SLC71A2: variants seen among roughly 807,000 people sequenced by gnomAD.
SLC71A2 encodes the protein solute carrier family 71 member 2, also known as hippocampus abundant transcript-like 1.
chr9:94,446,328 C>T, the SLC71A2 span, among the ~76,000 whole-genome samples: 1 of 152,194 alleles, frequency 6.6e-6, no homozygotes, highest in African/African-American at 2.4e-5. Flanking sequence ...CAAGTTCTTA[C>T]CAGTTTGACC....
the SLC71A2 span, among the ~76,000 whole-genome samples, chr9:94,442,713 G>GGTGGT: frequency 6.6e-6 from 1 of 151,960 alleles, no homozygotes; most frequent in Admixed American, 6.6e-5. Flanking sequence ...AGCCGAGCGT[G>GGTGGT]GTGGTGTGCG....
the SLC71A2 span, among the ~76,000 whole-genome samples, chr9:94,408,856 C>T: frequency 1.3e-4 from 19 of 144,162 alleles, no homozygotes; most frequent in South Asian, 3.5e-3. Context: ...CGGAGTCTCG[C>T]TCTGTCACCC....
At chr9:94,418,489 C>G in the SLC71A2 span, among the ~76,000 whole-genome samples, 1 of 152,184 alleles carries the variant, frequency 6.6e-6, no homozygotes, top group Non-Finnish European at 1.5e-5. Context: ...GTCACTCAGG[C>G]TGGAGTGCAG....
At chr9:94,445,605 GT>G in the SLC71A2 span, among the ~76,000 whole-genome samples, 2 of 152,124 alleles carry the variant, frequency 1.3e-5, no homozygotes, top group African/African-American at 4.8e-5. Context: ...TACAGATTGA[GT>G]ATTGTTTTCT....
chr9:94,382,102 T>C, the SLC71A2 span, among the ~76,000 whole-genome samples: 2 of 151,962 alleles, frequency 1.3e-5, no homozygotes, highest in South Asian at 2.1e-4. Flanking sequence ...TCTTGGCTCA[T>C]TGCAGCCTTG....
the SLC71A2 span, among the ~76,000 whole-genome samples, chr9:94,403,131 C>CTCCTT: frequency 5.9e-5 from 9 of 152,072 alleles, no homozygotes; most frequent in Admixed American, 3.9e-4. Flanking sequence ...TTGTGACTGG[C>CTCCTT]TCCTTTCCTT....
At chr9:94,398,749 A>T in the SLC71A2 span, among the ~76,000 whole-genome samples, 2 of 128,500 alleles carry the variant, frequency 1.6e-5, no homozygotes, top group African/African-American at 3.0e-5. Context: ...CCTAGGCAAA[A>T]CTCTTGGTGG....
the SLC71A2 span, among the ~76,000 whole-genome samples, chr9:94,454,612 C>T: frequency 7.9e-5 from 12 of 152,066 alleles, no homozygotes; most frequent in East Asian, 1.9e-3. Flanking sequence ...GATCTGCCTG[C>T]CTCGGCCTCC....
At chr9:94,416,925 G>A in the SLC71A2 span, among the ~76,000 whole-genome samples, 1 of 151,142 alleles carries the variant, frequency 6.6e-6, no homozygotes, top group South Asian at 2.1e-4. Flanking sequence ...CTTAAAAATT[G>A]CCTGCATCCT....
the SLC71A2 span, among the ~76,000 whole-genome samples, chr9:94,397,272 G>A: frequency 1.3e-5 from 2 of 152,100 alleles, no homozygotes; most frequent in South Asian, 2.1e-4. Context: ...CACTGGCATG[G>A]TACATTTGTC....
the SLC71A2 span, among the ~76,000 whole-genome samples, chr9:94,393,788 T>C: frequency 8.3e-5 from 11 of 132,026 alleles, 1 homozygote; most frequent in Admixed American, 3.0e-4. Context: ...AGGATAATTA[T>C]ACTTTTTGCC....
the SLC71A2 span, chr9:94,444,849 G>A: frequency 2.3e-6 from 2 of 876,668 alleles, 1 homozygote; most frequent in South Asian, 3.1e-5. Context: ...TGGGACCCTG[G>A]TTGAGTGTGC....
chr9:94,440,298 C>T, the SLC71A2 span, among the ~76,000 whole-genome samples: 2 of 152,000 alleles, frequency 1.3e-5, no homozygotes, highest in African/African-American at 2.4e-5. Flanking sequence ...GGACTACAGG[C>T]GCCCACCACC....
the SLC71A2 span, among the ~76,000 whole-genome samples, chr9:94,403,100 A>G: frequency 1.3e-5 from 2 of 152,228 alleles, no homozygotes; most frequent in East Asian, 1.9e-4. Flanking sequence ...ATATAAGTGA[A>G]ATTATGCCAT....
the SLC71A2 span, among the ~76,000 whole-genome samples, chr9:94,389,961 TC>T: frequency 6.7e-6 from 1 of 149,474 alleles, no homozygotes; most frequent in African/African-American, 2.4e-5. Flanking sequence ...ACGCCTGTAA[TC>T]CCAACACTTT....
chr9:94,417,949 C>T, the SLC71A2 span, among the ~76,000 whole-genome samples: 3 of 140,772 alleles, frequency 2.1e-5, no homozygotes, highest in Admixed American at 8.1e-5. Flanking sequence ...CTCCGCCTCC[C>T]GGGTTCAAGC....
At chr9:94,418,749 C>G in the SLC71A2 span, among the ~76,000 whole-genome samples, 1 of 146,428 alleles carries the variant, frequency 6.8e-6, no homozygotes, top group African/African-American at 2.5e-5. Flanking sequence ...CCATACTTTC[C>G]TTTAATTCTT....
At chr9:94,459,400 C>T in the SLC71A2 span, 1 of 1,613,790 alleles carries the variant, frequency 6.2e-7, no homozygotes, top group Non-Finnish European at 8.5e-7. Context: ...GGAATCAGTG[C>T]ACTGAGCTGT....
chr9:94,424,974 A>C, the SLC71A2 span, among the ~76,000 whole-genome samples: 1 of 150,798 alleles, frequency 6.6e-6, no homozygotes. Context: ...GTCTCAAGTG[A>C]GTATGTTGTG....
Sources: allele counts gnomAD v4.1 joint callset (sites outside exome capture counted in the v4.1 genomes callset), GRCh38; gene constraint gnomAD v4.1.1; transcripts MANE v1.5; gene names NCBI Gene and HGNC (gene_info 2026-07-23, HGNC 2026-07-21).